Variants in STEAP4 observed in about 807,000 individuals in gnomAD.
STEAP4 encodes the protein STEAP4 metalloreductase, also known as metalloreductase STEAP4.
In STEAP4, 36 loss-of-function variants were observed where a neutral mutation model predicts 43.6. The ratio of observed to expected loss-of-function variants is 0.83; its 90% CI spans 0.63 to 1.09. The LOEUF (loss-of-function observed/expected upper bound fraction) is 1.09, where lower values mean the gene tolerates loss of function less well. Among genes scored for constraint, STEAP4 ranks in the 50% least tolerant of loss-of-function variants. STEAP4 has a pLI of 0.00. For missense variants in STEAP4, 495 were observed against 546.5 expected, an observed-to-expected ratio of 0.91 and a Z score of 0.94; for synonymous variants, 191 against 196.7, an observed-to-expected ratio of 0.97 and a Z score of 0.24.
At chr7:88,290,388 T>C (rs1363941793) in intron 1 of STEAP4, 1 of 151,912 alleles carries the variant, frequency 6.6e-6, no homozygotes, top group Non-Finnish European at 1.5e-5. Context: ...ATACTGCGAG[T>C]GAGGACAGCA....
At chr7:88,304,155 A>G (rs1853087725) in intron 1 of STEAP4, 1 of 152,170 alleles carries the variant, frequency 6.6e-6, no homozygotes, top group Non-Finnish European at 1.5e-5. Flanking sequence ...TGGACTCAGG[A>G]AGGGGAACAT....
At chr7:88,281,774 T>C (rs569256059) in intron 3 of STEAP4, 1 of 152,362 alleles carries the variant, frequency 6.6e-6, no homozygotes, top group East Asian at 1.9e-4. Flanking sequence ...CTTTTGATTA[T>C]GCATAAGACA....
chr7:88,272,124 C>T lies in STEAP4; in HGVS notation c.*7274G>A, dbSNP rs2115921672. The T allele has an allele frequency of 6.6e-6, 1 of 152,214 alleles. No individual in the cohort carries two copies. The allele number at this position is 152,214 out of a possible 1,614,324, so 9.4% of individuals were successfully genotyped here. On this transcript the variant is annotated 3_prime_UTR_variant, in exon 5 of 5. Transcript: ENST00000380079. Reference sequence around the variant, plus strand: ...TCTTTGCCTGTGGGCCTTTTTCCCCCTAGACATGGTGGCATACACAATAAG... The same window carrying T: ...TCTTTGCCTGTGGGCCTTTTTCCCCTTAGACATGGTGGCATACACAATAAG...
chr7:88,280,911 T>G lies in STEAP4; in HGVS notation c.1149+4A>C. On this transcript the variant is annotated splice_donor_region_variant and intron_variant, in intron 4 of 4. Coordinates refer to ENST00000380079, the MANE Select transcript of STEAP4 (RefSeq NM_024636.4). ...AAAGTTAGGAATGAACTTGAAGTTC[T>G]TACCTGGACAAATCGGAACTCTCTC... The G allele has an allele frequency of 6.3e-7, 1 of 1,582,156 alleles. No individual in the cohort carries two copies.
In STEAP4 at chr7:88,289,538, C is replaced by G. The variant is rs547377548; in HGVS notation, c.-2-5267G>C. ...TTTCCATTTTAGCCTATCAAAAACA[C>G]CTATATTCTTACCGGAGCTTATCTG... On this transcript the variant is annotated intron_variant, in intron 1 of 4. Transcript: ENST00000380079. Among the ~76,000 whole-genome samples, 437 of 152,160 alleles carry G rather than the reference C, an allele frequency of 2.9e-3. 4 individuals are homozygous for G. The highest frequency in any genetic ancestry group is 5.3e-3 in the Non-Finnish European group (358 of 68,038).
chr7:88,272,129 C>T lies in STEAP4; in HGVS notation c.*7269G>A, dbSNP rs930279654. The T allele has an allele frequency of 6.6e-6, 1 of 152,106 alleles. No individual in the cohort carries two copies. Among genetic ancestry groups the T allele is most frequent in the African/African-American group, 2.4e-5 (1 of 41,392 alleles). 9.4% of individuals were successfully genotyped at this position (152,106 alleles called of 1,614,324 possible). ...GCCTGTGGGCCTTTTTCCCCCTAGA[C>T]ATGGTGGCATACACAATAAGTGTGT... On this transcript the variant is annotated 3_prime_UTR_variant, in exon 5 of 5. Coordinates refer to ENST00000380079, the MANE Select transcript of STEAP4 (RefSeq NM_024636.4).
chr7:88,283,012 A>T lies in STEAP4; in HGVS notation c.613T>A (p.Tyr205Asn). The T allele has an allele frequency of 1.2e-6, 2 of 1,613,704 alleles. No individual in the cohort carries two copies. Among genetic ancestry groups the T allele is most frequent in the East Asian group, 4.5e-5 (2 of 44,890 alleles). Residue 205 changes from tyrosine to asparagine, a missense_variant, in exon 3 of 5, where the codon TAT becomes AAT. Physicochemically the swap from Tyr to Asn is moderately radical, Grantham distance 143. Coordinates refer to ENST00000380079, the MANE Select transcript of STEAP4 (RefSeq NM_024636.4). ...QLFPMWRFPF[Y>N]LSAVLCVFLF... is the part of the protein sequence containing the mutation. ...AAGACACACAGCACAGCAGACAAAT[A>T]GAAGGGGAACCTCCACATTGGAAAT... is the stretch of plus-strand genomic sequence containing the variant.
chr7:88,286,999 C>T (rs1852748187), intron 1 of STEAP4, among the ~76,000 whole-genome samples: 1 of 152,042 alleles, frequency 6.6e-6, no homozygotes, highest in Non-Finnish European at 1.5e-5. Flanking sequence ...AGGCAGATAC[C>T]TTGTGATAGG....
At chr7:88,292,079 A>G (rs913199685) in intron 1 of STEAP4, 6 of 152,334 alleles carry the variant, frequency 3.9e-5, no homozygotes, top group African/African-American at 1.2e-4. Flanking sequence ...CTGAGAAACC[A>G]TGTGTGTGTG....
chr7:88,303,058 A>G (rs1215295514), intron 1 of STEAP4, among the ~76,000 whole-genome samples: 2 of 151,028 alleles, frequency 1.3e-5, no homozygotes, highest in Non-Finnish European at 2.9e-5. Flanking sequence ...ATTTTCTTTT[A>G]GCCTTCTTTT....
intron 1 of STEAP4, among the ~76,000 whole-genome samples, chr7:88,297,154 C>T (rs1241872705): frequency 1.3e-5 from 2 of 152,052 alleles, no homozygotes; most frequent in Non-Finnish European, 2.9e-5. Flanking sequence ...TATTGTGTAC[C>T]ACATGCTATT....
intron 3 of STEAP4, 89 bp from the exon 4 acceptor site, chr7:88,281,168 T>C (rs1335746740): frequency 9.0e-7 from 1 of 1,108,750 alleles, no homozygotes; most frequent in Non-Finnish European, 1.2e-6. Context: ...GCACAAATTA[T>C]TTGCTCAAAG....
At chr7:88,298,655 T>G (rs544451692) in intron 1 of STEAP4, among the ~76,000 whole-genome samples, 52 of 152,292 alleles carry the variant, frequency 3.4e-4, no homozygotes, top group African/African-American at 1.2e-3. Context: ...TCAGTTTAAG[T>G]AAAAATTAGA....
chr7:88,303,313 C>G (rs979664033), intron 1 of STEAP4, among the ~76,000 whole-genome samples: 1 of 150,996 alleles, frequency 6.6e-6, no homozygotes, highest in Non-Finnish European at 1.5e-5. Flanking sequence ...CTGGCCAACA[C>G]GGCGAAACCC....
chr7:88,285,939 C>T (rs936455974), intron 1 of STEAP4, among the ~76,000 whole-genome samples: 1 of 152,084 alleles, frequency 6.6e-6, no homozygotes, highest in African/African-American at 2.4e-5. Flanking sequence ...GTTTGCCTTG[C>T]CTGCTACCTA....
rs990681468 is a variant in STEAP4, at chr7:88,279,696, A to G, written c.1150-68T>C. 51 of 1,279,478 alleles carry G rather than the reference A, an allele frequency of 4.0e-5. No homozygotes were observed. The African/African-American group carries it at 7.1e-4, about 18-fold the overall frequency. The allele number at this position is 1,279,478 out of a possible 1,614,324, so 79.3% of individuals were successfully genotyped here. A position where few individuals can be genotyped will look rare whatever the true frequency, so the allele number is the denominator to read the frequency against. On this transcript the variant is annotated intron_variant, in intron 4 of 4. Coordinates refer to ENST00000380079, the MANE Select transcript of STEAP4 (RefSeq NM_024636.4). ...ATCTTAAAGTGAAACACTCTAAGCC[A>G]GTGACAGATATTTGTCAACAACCAC...
chr7:88,298,505 AC>A (rs1373801120), intron 1 of STEAP4: 1 of 151,348 alleles, frequency 6.6e-6, no homozygotes, highest in Non-Finnish European at 1.5e-5. Context: ...ACACACACAC[AC>A]ACACCTTTTA....
intron 1 of STEAP4, among the ~76,000 whole-genome samples, chr7:88,289,647 G>C (rs1052663368): frequency 1.3e-5 from 2 of 152,174 alleles, no homozygotes; most frequent in Non-Finnish European, 2.9e-5. Flanking sequence ...AAGAAATACA[G>C]GACATTCCTG....
At chr7:88,282,431 G>T in intron 3 of STEAP4, 1 of 584,616 alleles carries the variant, frequency 1.7e-6, no homozygotes, top group Non-Finnish European at 2.9e-6. Context: ...ATGGGAGTGA[G>T]CCACCGCCCC....
Sources: allele counts gnomAD v4.1 joint callset (sites outside exome capture counted in the v4.1 genomes callset), GRCh38; gene constraint gnomAD v4.1.1; transcripts MANE v1.5; gene names NCBI Gene and HGNC (gene_info 2026-07-23, HGNC 2026-07-21).